VWC2: variants seen among roughly 807,000 people sequenced by gnomAD.
VWC2 encodes the protein brorin.
In VWC2, 14 loss-of-function variants were observed where a neutral mutation model predicts 29.8. The ratio of observed to expected loss-of-function variants is 0.47; its 90% CI spans 0.31 to 0.74. The LOEUF (loss-of-function observed/expected upper bound fraction) is 0.74, where lower values mean the gene tolerates loss of function less well. Among genes scored for constraint, VWC2 ranks in the 30% least tolerant of loss-of-function variants. The probability of loss-of-function intolerance (pLI) is 0.05; values close to 1 mark genes in which losing one functional copy is unlikely to be tolerated. For synonymous variants in VWC2, 213 were observed against 199.0 expected (o/e 1.07, Z -0.59); for missense variants, 457 against 459.8 (o/e 0.99, Z 0.05).
rs1488227051 is a variant in VWC2 at position 49,913,850 on chromosome 7, A to G, written c.*1665A>G. 1 of 152,072 alleles carries G rather than the reference A, an allele frequency of 6.6e-6. No individual in the cohort carries two copies. The highest frequency in any genetic ancestry group is 2.4e-5 in the African/African-American group (1 of 41,320). The allele number at this position is 152,072 out of a possible 1,614,324, so 9.4% of individuals were successfully genotyped here. A position where few individuals can be genotyped will look rare whatever the true frequency, so the allele number is the denominator to read the frequency against. Reference sequence around the variant, plus strand: ...ACATCTATCATAATTGAAAAATTAAACTATTGTGAACCTTAGTAAGTATAA... The same window carrying G: ...ACATCTATCATAATTGAAAAATTAAGCTATTGTGAACCTTAGTAAGTATAA... On this transcript the variant is annotated 3_prime_UTR_variant, in exon 4 of 4. Transcript: ENST00000340652.
At chr7:49,884,563 C>T (rs186647070) in intron 3 of VWC2, among the ~76,000 whole-genome samples, 5 of 152,190 alleles carry the variant, frequency 3.3e-5, no homozygotes, top group African/African-American at 1.2e-4. Context: ...AGTTCTAAGA[C>T]AAATATAAAT....
At chr7:49,796,033 G>A (rs543700071) in intron 2 of VWC2, among the ~76,000 whole-genome samples, 2 of 152,126 alleles carry the variant, frequency 1.3e-5, no homozygotes, top group East Asian at 1.9e-4. Flanking sequence ...GGGGGCAGAC[G>A]ATATTTCAGT....
chr7:49,839,447 T>A (rs765984390), intron 3 of VWC2, among the ~76,000 whole-genome samples: 1 of 152,218 alleles, frequency 6.6e-6, no homozygotes, highest in Non-Finnish European at 1.5e-5. Context: ...TGTTAAGAAA[T>A]GTCTTTTATC....
rs1793705064 is a variant in VWC2, at chr7:49,916,044, T to C, written c.*3859T>C. On this transcript the variant is annotated 3_prime_UTR_variant, in exon 4 of 4. Coordinates refer to ENST00000340652, the MANE Select transcript of VWC2 (RefSeq NM_198570.5). Reference sequence around the variant, plus strand: ...AGTGCATTTTTACAGTACATATTTTTCACATTTCAGCTGCAACTTCCAAAG... The same window carrying C: ...AGTGCATTTTTACAGTACATATTTTCCACATTTCAGCTGCAACTTCCAAAG... 6.6e-6 allele frequency: 1 copy of C among 152,238 alleles called. No individual in the cohort carries two copies. The highest frequency in any genetic ancestry group is 6.5e-5 in the Admixed American group (1 of 15,278). 9.4% of individuals were successfully genotyped at this position (152,238 alleles called of 1,614,324 possible).
In VWC2 at chr7:49,919,078, G is replaced by A. The variant is rs1444645319; in HGVS notation, c.*6893G>A. On this transcript the variant is annotated 3_prime_UTR_variant, in exon 4 of 4. Coordinates refer to ENST00000340652, the MANE Select transcript of VWC2 (RefSeq NM_198570.5). ...TAAAAAAAAAAAAAAAATCAGTGATGGAACTGAGGCCAAATCTGTCTGGTT... is the reference window on the plus strand; with the variant it reads ...TAAAAAAAAAAAAAAAATCAGTGATAGAACTGAGGCCAAATCTGTCTGGTT... 1 of 151,102 alleles carries A rather than the reference G, an allele frequency of 6.6e-6. No homozygotes were observed. Among genetic ancestry groups the A allele is most frequent in the Non-Finnish European group, 1.5e-5 (1 of 67,924 alleles). The allele number at this position is 151,102 out of a possible 1,614,324, so 9.4% of individuals were successfully genotyped here.
intron 3 of VWC2, among the ~76,000 whole-genome samples, chr7:49,865,173 A>G (rs1260654236): frequency 1.3e-5 from 2 of 152,212 alleles, no homozygotes; most frequent in Non-Finnish European, 2.9e-5. Context: ...GTTCAGGAAG[A>G]GGAGGAAGAG....
In VWC2 at chr7:49,802,753, G is replaced by T. The variant is rs1425259244; in HGVS notation, c.739G>T (p.Val247Leu). 6.2e-7 allele frequency: 1 copy of T among 1,614,246 alleles called. No individual in the cohort carries two copies. The highest frequency in any genetic ancestry group is 1.1e-5 in the South Asian group (1 of 91,086). Residue 247 changes from valine to leucine, a missense_variant, in exon 3 of 4, where the codon GTG becomes TTG. Around this residue, in one of 2 missense-constraint regions of VWC2, gnomAD observed 185 missense variants for 257.1 expected, o/e 0.72. Coordinates refer to ENST00000340652, the MANE Select transcript of VWC2 (RefSeq NM_198570.5). ...ERCRCEANGE[V>L]LCTVSACPQT... The stretch of plus-strand genomic sequence containing the variant: ...GTGTCGCTGTGAAGCCAACGGTGAG[G>T]TGCTATGCACAGTGTCAGCGTGTCC...
intron 2 of VWC2, among the ~76,000 whole-genome samples, chr7:49,790,133 G>C (rs1788433237): frequency 6.6e-6 from 1 of 152,234 alleles, no homozygotes; most frequent in African/African-American, 2.4e-5. Context: ...CCTGCCACTA[G>C]TTTTTCCCCC....
Position 49,775,793 on chromosome 7 carries a change from G to A in VWC2, c.358G>A (p.Ala120Thr). The stretch of plus-strand genomic sequence containing the variant: ...CCGGCCCCGCGGGGACACCCCGCAG[G>A]CGGAAGCCCTGGCCGCAGCCGCCCA... The part of the protein sequence containing the change: ...QVRPRGDTPQ[A>T]EALAAAAQDA... Residue 120 changes from alanine to threonine, a missense_variant, in exon 2 of 4, where the codon GCG (alanine) becomes ACG (threonine). This residue lies in a region of VWC2 where 272 missense variants were observed against 202.7 expected (regional missense o/e 1.34). Transcript: ENST00000340652. The A allele has an allele frequency of 6.5e-7, 1 of 1,531,422 alleles. No individual in the cohort carries two copies. Among genetic ancestry groups the A allele is most frequent in the Non-Finnish European group, 8.8e-7 (1 of 1,139,430 alleles). 94.9% of individuals were successfully genotyped at this position (1,531,422 alleles called of 1,614,324 possible).
At chr7:49,793,134 G>T (rs895337590) in intron 2 of VWC2, among the ~76,000 whole-genome samples, 8 of 152,174 alleles carry the variant, frequency 5.3e-5, no homozygotes, top group African/African-American at 1.9e-4. Flanking sequence ...GATGGCTACT[G>T]GTTGGAGGTG....
intron 3 of VWC2, among the ~76,000 whole-genome samples, chr7:49,817,026 C>T (rs1459821744): frequency 6.6e-6 from 1 of 152,170 alleles, no homozygotes; most frequent in Non-Finnish European, 1.5e-5. Flanking sequence ...TAATATCCAC[C>T]TCCAAATTTT....
intron 3 of VWC2, among the ~76,000 whole-genome samples, chr7:49,810,076 T>G (rs1252280213): frequency 6.6e-6 from 1 of 151,878 alleles, no homozygotes; most frequent in Non-Finnish European, 1.5e-5. Flanking sequence ...ATAACTGCCT[T>G]TATTAGAAGA....
chr7:49,906,132 T>C (rs1793074826), intron 3 of VWC2, among the ~76,000 whole-genome samples: 1 of 152,172 alleles, frequency 6.6e-6, no homozygotes, highest in Non-Finnish European at 1.5e-5. Context: ...TCTTTATTCC[T>C]TCACTTTCTT....
At chr7:49,858,238 A>G (rs1790504584) in intron 3 of VWC2, among the ~76,000 whole-genome samples, 1 of 152,214 alleles carries the variant, frequency 6.6e-6, no homozygotes, top group Admixed American at 6.5e-5. Context: ...ACATGCTGCT[A>G]TAATGACACA....
intron 3 of VWC2, among the ~76,000 whole-genome samples, chr7:49,905,546 AAG>A (rs777941508): frequency 3.9e-5 from 6 of 152,378 alleles, no homozygotes; most frequent in Admixed American, 1.3e-4. Flanking sequence ...TCATTTAAAA[AAG>A]AGTTTTATTT....
At chr7:49,805,209 T>C (rs1788847912) in intron 3 of VWC2, among the ~76,000 whole-genome samples, 1 of 152,206 alleles carries the variant, frequency 6.6e-6, no homozygotes, top group South Asian at 2.1e-4. Context: ...ATGGTTGTTG[T>C]CCTGATGGTA....
In VWC2 at chr7:49,919,334, G is replaced by A. The variant is rs548874140; in HGVS notation, c.*7149G>A. On this transcript the variant is annotated 3_prime_UTR_variant, in exon 4 of 4. Coordinates refer to ENST00000340652, the MANE Select transcript of VWC2 (RefSeq NM_198570.5). The stretch of plus-strand genomic sequence containing the variant: ...ATATCCTTAAACTAATAAAAAAAGC[G>A]ATGGCATCACATGCCATTTTGAACT... 82 of 152,246 alleles carry A rather than the reference G, an allele frequency of 5.4e-4. No homozygotes were observed. Among genetic ancestry groups the A allele is most frequent in the African/African-American group, 1.5e-3 (64 of 41,552 alleles). 9.4% of individuals were successfully genotyped at this position (152,246 alleles called of 1,614,324 possible).
intron 2 of VWC2, among the ~76,000 whole-genome samples, chr7:49,781,716 C>T (rs1788181481): frequency 6.6e-6 from 1 of 152,170 alleles, no homozygotes; most frequent in South Asian, 2.1e-4. Context: ...AAAAGTTATA[C>T]AAGCCCAGAG....
chr7:49,864,822 G>C (rs1410313057), intron 3 of VWC2, among the ~76,000 whole-genome samples: 1 of 152,212 alleles, frequency 6.6e-6, no homozygotes, highest in Non-Finnish European at 1.5e-5. Context: ...GGTGAAGCAA[G>C]GACAATCAAG....
Sources: gnomAD v4.1 joint callset for allele counts (sites outside exome capture counted in the v4.1 genomes callset) on GRCh38, gnomAD v4.1.1 for gene constraint, gnomAD v4.1.1 regional missense constraint, MANE v1.5 for transcripts, NCBI Gene and HGNC (gene_info 2026-07-23, HGNC 2026-07-21) for gene names.